PCDH15: variants seen among roughly 807,000 people sequenced by gnomAD.
PCDH15 encodes the protein protocadherin-15.
In PCDH15, 129 loss-of-function variants were observed where a neutral mutation model predicts 178.5. That is an observed-to-expected ratio of 0.72 (90% CI 0.63 to 0.84). The LOEUF is 0.84. PCDH15 is among the 40% of genes least tolerant of loss of function. The pLI is 0.00. For missense variants in PCDH15, 2,230 were observed against 2,099.9 expected, an observed-to-expected ratio of 1.06 and a Z score of -1.21; for synonymous variants, 800 against 732.0, an observed-to-expected ratio of 1.09 and a Z score of -1.50.
intron 3 of PCDH15, among the ~76,000 whole-genome samples, chr10:54,405,483 T>C (rs1952526787): frequency 6.6e-6 from 1 of 151,874 alleles, no homozygotes; most frequent in Non-Finnish European, 1.5e-5. Flanking sequence ...ATATTAATGA[T>C]GATAACATGT....
At chr10:54,724,487 T>C (rs1942153118) in intron 1 of PCDH15, among the ~76,000 whole-genome samples, 1 of 151,408 alleles carries the variant, frequency 6.6e-6, no homozygotes, top group Non-Finnish European at 1.5e-5. Context: ...ATATACAATA[T>C]AATTATGTAA....
chr10:54,270,372 G>C (rs914661349), intron 8 of PCDH15, among the ~76,000 whole-genome samples: 2 of 152,064 alleles, frequency 1.3e-5, no homozygotes, highest in Non-Finnish European at 2.9e-5. Flanking sequence ...ATTGTCTATG[G>C]AATACATGAA....
intron 3 of PCDH15, among the ~76,000 whole-genome samples, chr10:54,453,492 C>T (rs561065374): frequency 2.6e-5 from 4 of 151,672 alleles, no homozygotes; most frequent in East Asian, 2.0e-4. Flanking sequence ...CATCACACAC[C>T]AGGGCCTGTT....
At chr10:53,945,283 T>C (rs1358190506) in intron 23 of PCDH15, among the ~76,000 whole-genome samples, 4 of 152,182 alleles carry the variant, frequency 2.6e-5, no homozygotes, top group Non-Finnish European at 5.9e-5. Context: ...ATTTTTTGTA[T>C]TCTTATTTAT....
In PCDH15 at chr10:55,343,423, T is replaced by C. The variant is rs567013617; in HGVS notation, c.-155-176772A>G. Among the ~76,000 whole-genome samples the C allele has an allele frequency of 9.2e-5, 14 of 152,288 alleles. No individual in the cohort carries two copies. In the South Asian group the frequency reaches 2.7e-3, roughly 29 times the overall value. On this transcript the variant is annotated intron_variant, in intron 2 of 5. Transcript: ENST00000613346. ...TCCTTGTACTTTTCTCCATCTGTTC[T>C]ATTCTCTGCCCTCTACCAAATATCT...
At chr10:55,045,568 T>G (rs1256154098) in intron 2 of PCDH15, among the ~76,000 whole-genome samples, 1 of 152,134 alleles carries the variant, frequency 6.6e-6, no homozygotes. Flanking sequence ...TGTTCACATG[T>G]TCAAATTGTT....
At chr10:53,852,347 C>T (rs771390198) in intron 28 of PCDH15, among the ~76,000 whole-genome samples, 2 of 152,000 alleles carry the variant, frequency 1.3e-5, no homozygotes, top group African/African-American at 4.8e-5. Flanking sequence ...ACTTAAAATA[C>T]GTCAGAGCAC....
At chr10:54,001,982 G>T (rs1057101415) in intron 20 of PCDH15, among the ~76,000 whole-genome samples, 3 of 149,688 alleles carry the variant, frequency 2.0e-5, no homozygotes, top group African/African-American at 7.4e-5. Flanking sequence ...AGACAAAGAA[G>T]GTCACTATAT....
intron 3 of PCDH15, among the ~76,000 whole-genome samples, chr10:54,472,287 C>CAA (rs201074584): frequency 0.062 from 7,426 of 120,240 alleles, 511 homozygotes; most frequent in African/African-American, 0.18. Flanking sequence ...AAATGTTATG[C>CAA]AAAAAAAAAA....
At chr10:54,527,746 T>C in intron 3 of PCDH15, 66 bp downstream of exon 3, 1 of 1,366,492 alleles carries the variant, frequency 7.3e-7, no homozygotes, top group African/African-American at 1.4e-5. Flanking sequence ...TCATAGTAGA[T>C]TGAGAATTAA....
chr10:53,824,968 G>GCCATCAAAAGGA (rs2132540023), intron 32 of PCDH15, among the ~76,000 whole-genome samples: 1 of 152,148 alleles, frequency 6.6e-6, no homozygotes, highest in East Asian at 1.9e-4. Flanking sequence ...TTAAGCTCAT[G>GCCATCAAAAGGA]CCATCAAAAG....
intron 2 of PCDH15, among the ~76,000 whole-genome samples, chr10:54,979,358 G>C (rs1234288492): frequency 1.3e-5 from 2 of 152,078 alleles, no homozygotes; most frequent in Non-Finnish European, 2.9e-5. Flanking sequence ...TCAAGAGGGA[G>C]ACTAGGATCC....
At chr10:54,740,265 A>G (rs566762084) in intron 1 of PCDH15, among the ~76,000 whole-genome samples, 1 of 152,146 alleles carries the variant, frequency 6.6e-6, no homozygotes, top group Non-Finnish European at 1.5e-5. Flanking sequence ...ACCAGTAGGT[A>G]TGTGAAAATA....
At chr10:54,184,745 T>G (rs147329458) in intron 12 of PCDH15, among the ~76,000 whole-genome samples, 36 of 152,070 alleles carry the variant, frequency 2.4e-4, no homozygotes, top group Non-Finnish European at 4.4e-4. Flanking sequence ...GAGGGAAAAT[T>G]TATTCCCTCT....
chr10:54,623,363 A>T (rs2093447398), intron 2 of PCDH15, among the ~76,000 whole-genome samples: 1 of 152,122 alleles, frequency 6.6e-6, no homozygotes, highest in African/African-American at 2.4e-5. Flanking sequence ...CCTTTTATAT[A>T]TTTTATAAGT....
chr10:54,936,829 C>A (rs950328020), intron 2 of PCDH15, among the ~76,000 whole-genome samples: 1 of 150,770 alleles, frequency 6.6e-6, no homozygotes, highest in African/African-American at 2.4e-5. Context: ...GATGTTTTAC[C>A]AAGCACAAAA....
intron 2 of PCDH15, among the ~76,000 whole-genome samples, chr10:55,475,911 A>T (rs1262457182): frequency 6.6e-6 from 1 of 152,036 alleles, no homozygotes; most frequent in Non-Finnish European, 1.5e-5. Context: ...GCCAGCCCTT[A>T]TTGGAGAACA....
chr10:54,226,893 G>A (rs2053516074), intron 9 of PCDH15, among the ~76,000 whole-genome samples: 1 of 152,184 alleles, frequency 6.6e-6, no homozygotes, highest in African/African-American at 2.4e-5. Flanking sequence ...GCTCTGAAAT[G>A]ATCTCCTTTG....
intron 1 of PCDH15, among the ~76,000 whole-genome samples, chr10:54,726,345 G>A (rs969211121): frequency 1.3e-5 from 2 of 151,320 alleles, no homozygotes; most frequent in Non-Finnish European, 3.0e-5. Context: ...TAAAATATTT[G>A]TAAAATAATA....
Sources: allele counts gnomAD v4.1 joint callset (sites outside exome capture counted in the v4.1 genomes callset), GRCh38; gene constraint gnomAD v4.1.1; transcripts MANE v1.5; gene names NCBI Gene and HGNC (gene_info 2026-07-23, HGNC 2026-07-21).